Variants in TEC observed in about 807,000 individuals in gnomAD.
The protein encoded by TEC is tyrosine-protein kinase Tec.
TEC carries 72 observed loss-of-function variants against 93.0 expected under a neutral mutation model. The ratio of observed to expected loss-of-function variants is 0.77; its 90% confidence interval spans 0.64 to 0.94. The LOEUF is 0.94. TEC is among the 40% of genes least tolerant of loss of function. The pLI, the probability that TEC is intolerant of heterozygous loss-of-function variation, is 0.00. For missense variants in TEC, 630 were observed against 757.9 expected (o/e 0.83, Z 1.98); for synonymous variants, 249 against 247.7 (o/e 1.01, Z -0.05).
intron 2 of TEC, among the ~76,000 whole-genome samples, chr4:48,209,349 G>T (rs191677263): frequency 6.6e-6 from 1 of 152,202 alleles, no homozygotes; most frequent in Non-Finnish European, 1.5e-5. Context: ...GGCAGGCACA[G>T]TACCTCACTT....
At chr4:48,141,055 A>G (rs1394627647) in intron 15 of TEC, among the ~76,000 whole-genome samples, 2 of 152,230 alleles carry the variant, frequency 1.3e-5, no homozygotes, top group Non-Finnish European at 2.9e-5. Context: ...TAAATTATAA[A>G]AATTAAGAGA....
intron 2 of TEC, among the ~76,000 whole-genome samples, chr4:48,181,337 C>T (rs1195815709): frequency 6.6e-6 from 1 of 152,112 alleles, no homozygotes; most frequent in African/African-American, 2.4e-5. Flanking sequence ...ATTCTAGCCA[C>T]ATCTGAAGGT....
chr4:48,255,901 A>T (rs1466666673), intron 1 of TEC, among the ~76,000 whole-genome samples: 1 of 152,230 alleles, frequency 6.6e-6, no homozygotes, highest in Non-Finnish European at 1.5e-5. Context: ...AAGAGAGGGC[A>T]AGGTCAGCAT....
intron 2 of TEC, among the ~76,000 whole-genome samples, chr4:48,221,890 C>A (rs1307208282): frequency 3.3e-5 from 5 of 152,116 alleles, no homozygotes; most frequent in African/African-American, 1.2e-4. Context: ...AAGGGGCTTG[C>A]CAAAATGTAT....
At chr4:48,244,225 C>A (rs1723996816) in intron 1 of TEC, among the ~76,000 whole-genome samples, 1 of 152,162 alleles carries the variant, frequency 6.6e-6, no homozygotes, top group African/African-American at 2.4e-5. Flanking sequence ...TTAAAAGAAA[C>A]TAAAACCCTG....
intron 1 of TEC, among the ~76,000 whole-genome samples, chr4:48,260,349 C>A (rs531584299): frequency 6.6e-6 from 1 of 152,226 alleles, no homozygotes; most frequent in South Asian, 2.1e-4. Context: ...TTTGGGAGGC[C>A]GAGGTGGGAG....
intron 2 of TEC, among the ~76,000 whole-genome samples, chr4:48,183,178 G>T (rs1422701425): frequency 6.6e-6 from 1 of 152,148 alleles, no homozygotes; most frequent in African/African-American, 2.4e-5. Flanking sequence ...TAAGCCATAC[G>T]ACCTAGGGCA....
At chr4:48,186,765 T>TG (rs1260570009) in intron 2 of TEC, among the ~76,000 whole-genome samples, 32 of 145,638 alleles carry the variant, frequency 2.2e-4, no homozygotes, top group East Asian at 1.7e-3. Flanking sequence ...GGGAGGGAGG[T>TG]GGGGGGTCAG....
chr4:48,191,984 GTA>G (rs2109583263), intron 2 of TEC, among the ~76,000 whole-genome samples: 1 of 152,232 alleles, frequency 6.6e-6, no homozygotes, highest in South Asian at 2.1e-4. Context: ...TATTTGCTCA[GTA>G]TATACTACAT....
At chr4:48,159,312 G>A (rs562411474) in intron 8 of TEC, among the ~76,000 whole-genome samples, 2 of 152,322 alleles carry the variant, frequency 1.3e-5, no homozygotes, top group South Asian at 4.1e-4. Context: ...TTCCACTCAC[G>A]TCCGAAGATG....
intron 14 of TEC, among the ~76,000 whole-genome samples, chr4:48,143,843 T>C (rs1027027359): frequency 3.3e-5 from 5 of 152,144 alleles, no homozygotes; most frequent in Non-Finnish European, 4.4e-5. Flanking sequence ...AATAAGAAAA[T>C]CTACTTCCCA....
chr4:48,183,233 T>C (rs531159697), intron 2 of TEC, among the ~76,000 whole-genome samples: 13 of 152,340 alleles, frequency 8.5e-5, no homozygotes, highest in African/African-American at 2.6e-4. Flanking sequence ...TCCGTAGAAA[T>C]AGGACAATGC....
At position 48,177,673 on chromosome 4, in the gene TEC, G is replaced by A. The variant is rs183017247; in HGVS notation, c.139-1487C>T. 3.9e-5 allele frequency among the ~76,000 whole-genome samples: 6 copies of A among 152,248 alleles called. No individual in the cohort carries two copies. The East Asian group carries it at 7.7e-4, about 20-fold the overall frequency. ...CCACACCCCCTTGACACTTGATATG[G>A]TCTGGCTCTGTGTCCCCACCCAAAT... On this transcript the variant is annotated intron_variant, in intron 2 of 17. Coordinates refer to ENST00000381501, the MANE Select transcript of TEC (RefSeq NM_003215.3).
chr4:48,149,776 T>A, intron 10 of TEC, 86 bp from the exon 11 acceptor site: 2 of 1,359,086 alleles, frequency 1.5e-6, no homozygotes, highest in South Asian at 3.0e-5. Context: ...GCAACCACAG[T>A]GTCTCTCCAT....
chr4:48,266,187 G>A (rs1441600029), intron 1 of TEC, among the ~76,000 whole-genome samples: 1 of 152,188 alleles, frequency 6.6e-6, no homozygotes. Context: ...TAGACCTCTA[G>A]GCATCCTATT....
At chr4:48,243,777 T>C (rs1321792799) in intron 1 of TEC, among the ~76,000 whole-genome samples, 1 of 151,760 alleles carries the variant, frequency 6.6e-6, no homozygotes, top group African/African-American at 2.4e-5. Context: ...TGAGAACAGT[T>C]GGACACAGGG....
Position 48,141,393 on chromosome 4 carries a change from C to T in TEC, c.1497G>A (p.Glu499=), listed in dbSNP as rs773924594. ...AATCAGATACTTTTACAACTCCCGC[C>T]TCACTTACTAGACAATTTCTGGCAG... ...DLAARNCLVS[E]AGVVKVSDFG... The change falls in exon 15 of 18, where the codon GAG becomes GAA. Residue 499 remains glutamate, a synonymous_variant. Coordinates refer to ENST00000381501, the MANE Select transcript of TEC (RefSeq NM_003215.3). 5.6e-6 allele frequency: 9 copies of T among 1,613,720 alleles called. No homozygotes were observed. In the Admixed American group the frequency reaches 1.2e-4, roughly 21 times the overall value.
At chr4:48,141,684 T>TA in intron 14 of TEC, 1 of 275,104 alleles carries the variant, frequency 3.6e-6, no homozygotes, top group Middle Eastern at 1.0e-3. Context: ...TTCTTTTCTT[T>TA]CTTTTTTTTT....
chr4:48,228,856 C>A (rs1242951161), intron 1 of TEC, among the ~76,000 whole-genome samples, 197 bp from the exon 2 acceptor site: 2 of 152,192 alleles, frequency 1.3e-5, no homozygotes, highest in South Asian at 2.1e-4. Flanking sequence ...TGCTCCTCCA[C>A]ATCTCATCAT....
Sources: gnomAD v4.1 joint callset for allele counts (sites outside exome capture counted in the v4.1 genomes callset) on GRCh38, gnomAD v4.1.1 for gene constraint, MANE v1.5 for transcripts, NCBI Gene and HGNC (gene_info 2026-07-23, HGNC 2026-07-21) for gene names.